The following CNBD1 variants were observed in gnomAD, a reference collection of about 807,000 sequenced individuals.
The protein encoded by CNBD1 is cyclic nucleotide binding domain containing 1, also known as cyclic nucleotide-binding domain-containing protein 1.
Under a neutral mutation model 54.4 loss-of-function variants are expected in CNBD1, and 71 were observed. The ratio of observed to expected loss-of-function variants is 1.30; its 90% CI spans 1.08 to 1.59. The LOEUF (loss-of-function observed/expected upper bound fraction) is 1.59. Ranked by LOEUF, CNBD1 falls within the 40% of genes most tolerant of loss-of-function variation. The probability of loss-of-function intolerance (pLI) is 0.00; values close to 1 mark genes in which losing one functional copy is unlikely to be tolerated. For missense variants in CNBD1, 659 were observed against 518.0 expected, an observed-to-expected ratio of 1.27 and a Z score of -2.64; for synonymous variants, 182 against 170.7, an observed-to-expected ratio of 1.07 and a Z score of -0.51.
intron 4 of CNBD1, among the ~76,000 whole-genome samples, chr8:87,020,759 T>C (rs1186054186): frequency 6.6e-6 from 1 of 152,230 alleles, no homozygotes; most frequent in African/African-American, 2.4e-5. Context: ...ATCCACATTC[T>C]ATAGAGAATC....
intron 4 of CNBD1, among the ~76,000 whole-genome samples, chr8:86,986,100 T>C (rs1448624741): frequency 6.6e-6 from 1 of 152,094 alleles, no homozygotes; most frequent in African/African-American, 2.4e-5. Flanking sequence ...CATCTAATTT[T>C]CCTATTTTTA....
rs371633464 is a variant in CNBD1 at position 87,002,205 on chromosome 8, C to A, written c.431+62451C>A. Among the ~76,000 whole-genome samples, 3 of 152,302 alleles carry A rather than the reference C, an allele frequency of 2.0e-5. No homozygotes were observed. In the East Asian group the frequency reaches 5.8e-4, roughly 29 times the overall value. ...GTGTGTCCAGAATCTAATCCAATCACTTCTTTTTACCTCCACTGACAAAAA... is the reference window on the plus strand; with the variant it reads ...GTGTGTCCAGAATCTAATCCAATCAATTCTTTTTACCTCCACTGACAAAAA... On this transcript the variant is annotated intron_variant, in intron 4 of 10. Coordinates refer to ENST00000518476, the MANE Select transcript of CNBD1 (RefSeq NM_173538.3).
At chr8:87,332,429 G>A (rs1050597015) in intron 8 of CNBD1, among the ~76,000 whole-genome samples, 5 of 151,728 alleles carry the variant, frequency 3.3e-5, no homozygotes, top group Admixed American at 2.0e-4. Flanking sequence ...ATTGCTTTTA[G>A]CGATTTCATA....
At chr8:86,991,912 G>C (rs566354201) in intron 4 of CNBD1, among the ~76,000 whole-genome samples, 2 of 152,200 alleles carry the variant, frequency 1.3e-5, no homozygotes, top group East Asian at 3.9e-4. Context: ...AATTTATTGA[G>C]ACTTGCTTTA....
chr8:87,223,586 G>C (rs1814399042), intron 5 of CNBD1, among the ~76,000 whole-genome samples: 1 of 152,060 alleles, frequency 6.6e-6, no homozygotes, highest in Non-Finnish European at 1.5e-5. Flanking sequence ...CTTTTTTATG[G>C]CTACATAGTG....
chr8:87,402,456 ATAT>A (rs1417253678), intron 2 of CNBD1, among the ~76,000 whole-genome samples: 1 of 152,064 alleles, frequency 6.6e-6, no homozygotes, highest in African/African-American at 2.4e-5. Context: ...TGAGGCATAA[ATAT>A]TAATAATTTG....
chr8:87,177,105 A>G (rs1353694802), intron 4 of CNBD1, among the ~76,000 whole-genome samples: 1 of 152,206 alleles, frequency 6.6e-6, no homozygotes, highest in African/African-American at 2.4e-5. Flanking sequence ...AAATGAGGCA[A>G]TGTAAGTAAA....
At chr8:87,381,834 G>A (rs1489030997) in intron 10 of CNBD1, among the ~76,000 whole-genome samples, 4 of 151,812 alleles carry the variant, frequency 2.6e-5, no homozygotes, top group South Asian at 4.1e-4. Flanking sequence ...TGGTGGTTAC[G>A]AGGGGTTGAG....
At chr8:87,256,003 ATATATATATATATTTTTTTT>A (rs1307625043) in intron 6 of CNBD1, among the ~76,000 whole-genome samples, 10 of 17,938 alleles carry the variant, frequency 5.6e-4, no homozygotes, top group East Asian at 1.3e-3. Context: ...ATATATATAT[ATATATATATATATTTTTTTT>A]TTTTTTTTTT....
intron 8 of CNBD1, among the ~76,000 whole-genome samples, chr8:87,300,508 T>C (rs1302610116): frequency 6.6e-6 from 1 of 152,200 alleles, no homozygotes; most frequent in Non-Finnish European, 1.5e-5. Flanking sequence ...TTTGTAGCTA[T>C]ACTGGTACGT....
At chr8:87,243,690 A>T (rs565165531) in intron 6 of CNBD1, among the ~76,000 whole-genome samples, 1 of 152,342 alleles carries the variant, frequency 6.6e-6, no homozygotes, top group South Asian at 2.1e-4. Flanking sequence ...ATGAACGGCA[A>T]CTAGAAAAAT....
chr8:86,889,437 A>T (rs889052062), intron 2 of CNBD1, among the ~76,000 whole-genome samples: 6 of 152,154 alleles, frequency 3.9e-5, no homozygotes, highest in Non-Finnish European at 8.8e-5. Flanking sequence ...TCTCCATATT[A>T]TTAGTTCTTT....
chr8:87,366,240 T>C (rs1479883927), intron 10 of CNBD1, among the ~76,000 whole-genome samples: 1 of 152,044 alleles, frequency 6.6e-6, no homozygotes, highest in Non-Finnish European at 1.5e-5. Flanking sequence ...AAAATCTAAG[T>C]GTTGGCCAAG....
chr8:87,069,900 A>G (rs767190071), intron 4 of CNBD1, among the ~76,000 whole-genome samples: 1 of 152,092 alleles, frequency 6.6e-6, no homozygotes, highest in Non-Finnish European at 1.5e-5. Flanking sequence ...ACTCATTCAT[A>G]ATAGTGTGAT....
intron 4 of CNBD1, among the ~76,000 whole-genome samples, chr8:87,035,800 C>T (rs1324243130): frequency 5.3e-5 from 8 of 152,026 alleles, no homozygotes; most frequent in Non-Finnish European, 1.2e-4. Flanking sequence ...ATGGAGTTCT[C>T]CATGGATGTT....
At chr8:87,159,353 A>G (rs2130757526) in intron 4 of CNBD1, among the ~76,000 whole-genome samples, 1 of 152,238 alleles carries the variant, frequency 6.6e-6, no homozygotes, top group South Asian at 2.1e-4. Context: ...GGGATATAAA[A>G]AGAGAATGGG....
intron 8 of CNBD1, among the ~76,000 whole-genome samples, chr8:87,299,002 G>A (rs894031921): frequency 6.6e-6 from 1 of 152,128 alleles, no homozygotes; most frequent in African/African-American, 2.4e-5. Flanking sequence ...TTTGGTAAAT[G>A]TCATGTTTGA....
chr8:87,084,100 C>T (rs1024456764), intron 4 of CNBD1, among the ~76,000 whole-genome samples: 1 of 152,160 alleles, frequency 6.6e-6, no homozygotes, highest in African/African-American at 2.4e-5. Flanking sequence ...TAAAGGATTA[C>T]AACAGTATAT....
At chr8:87,126,698 A>T (rs1811996590) in intron 4 of CNBD1, among the ~76,000 whole-genome samples, 1 of 151,964 alleles carries the variant, frequency 6.6e-6, no homozygotes, top group African/African-American at 2.4e-5. Flanking sequence ...GCATTTTATC[A>T]TAGCAATTTT....
Sources: gnomAD v4.1 joint callset for allele counts (sites outside exome capture counted in the v4.1 genomes callset) on GRCh38, gnomAD v4.1.1 for gene constraint, MANE v1.5 for transcripts, NCBI Gene and HGNC (gene_info 2026-07-23, HGNC 2026-07-21) for gene names.